The following FSD2 variants were observed in gnomAD, a reference collection of about 807,000 sequenced individuals.
The protein encoded by FSD2 is fibronectin type III and SPRY domain containing 2, also known as fibronectin type III and SPRY domain-containing protein 2.
A neutral mutation model predicts 80.4 loss-of-function variants in FSD2; 71 were observed. That is an observed-to-expected ratio of 0.88 (90% confidence interval 0.73 to 1.08). The LOEUF is 1.08. Among genes scored for constraint, FSD2 ranks in the 50% least tolerant of loss-of-function variants. The pLI is 0.00. For synonymous variants in FSD2, 361 were observed against 329.5 expected (o/e 1.10, Z -1.03); for missense variants, 923 against 913.8 (o/e 1.01, Z -0.13).
At position 82,769,784 on chromosome 15, in the gene FSD2, G is replaced by A; in HGVS notation, c.1368C>T (p.Pro456=). The A allele has an allele frequency of 6.2e-7, 1 of 1,613,952 alleles. No homozygotes were observed. Among genetic ancestry groups the A allele is most frequent in the Middle Eastern group, 1.6e-4 (1 of 6,062 alleles). Residue 456 remains proline (P), a synonymous_variant, in exon 8 of 13, where the codon CCC becomes CCT. Coordinates refer to ENST00000334574, the MANE Select transcript of FSD2 (RefSeq NM_001007122.4). ...ACACTGCACGCTCGCTAGAGGGGCTGGGGCCAGCCCTGTTGTGAGCTGTGA... is the reference window on the plus strand; with the variant it reads ...ACACTGCACGCTCGCTAGAGGGGCTAGGGCCAGCCCTGTTGTGAGCTGTGA... ...FWVTAHNRAG[P]SPSSERAVYM...
intron 7 of FSD2, 126 bp from the exon 8 acceptor site, chr15:82,770,010 TCC>T (rs2049526342): frequency 1.0e-6 from 1 of 1,001,112 alleles, no homozygotes; most frequent in Admixed American, 2.2e-5. Flanking sequence ...CTGTATGCAC[TCC>T]CTCTGCAGCA....
Position 82,783,028 on chromosome 15 carries a change from G to T in FSD2, c.736-3C>A, listed in dbSNP as rs748199632. On this transcript the variant is annotated splice_region_variant and splice_polypyrimidine_tract_variant and intron_variant, in intron 3 of 12. Coordinates refer to ENST00000334574, the MANE Select transcript of FSD2 (RefSeq NM_001007122.4). The stretch of plus-strand genomic sequence containing the variant: ...TGTTCTTGTTTTCCAAAATTCTCCT[G>T]CAAGACAGTTGATCTCAGTCATCAT... 2 of 1,597,558 alleles carry T rather than the reference G, an allele frequency of 1.3e-6. No homozygotes were observed. Among genetic ancestry groups the T allele is most frequent in the African/African-American group, 2.7e-5 (2 of 74,254 alleles).
chr15:82,765,213 C>A lies in FSD2; in HGVS notation c.1773G>T (p.Arg591Ser), dbSNP rs1255495713. 4 of 1,609,500 alleles carry A rather than the reference C, an allele frequency of 2.5e-6. No homozygotes were observed. The highest frequency in any genetic ancestry group is 3.4e-6 in the Non-Finnish European group (4 of 1,177,490). ...GTGACAGCTCCCTGGCGGGGGTTCTCCTTTCACTTCGTACAGCCGTAAGTC... is the reference window on the plus strand; with the variant it reads ...GTGACAGCTCCCTGGCGGGGGTTCTACTTTCACTTCGTACAGCCGTAAGTC... ...EDGLTAVRSE[R>S]RTPARELSPS... The change falls in exon 11 of 13, where the codon AGG becomes AGT. Residue 591 changes from arginine (R) to serine (S), a missense_variant. By Grantham distance (110) the Arg-to-Ser change is moderately radical (BLOSUM62 -1). Transcript: ENST00000334574.
rs2049413092 is a variant in FSD2 at position 82,766,040 on chromosome 15, G to C, written c.1554-9C>G. 6.4e-7 allele frequency: 1 copy of C among 1,573,360 alleles called. No individual in the cohort carries two copies. The highest frequency in any genetic ancestry group is 1.2e-5 in the South Asian group (1 of 85,600). ...GGATGCCCACAACAGACCTGTACAA[G>C]GAAGCAGAGCTGCAGTCAGAATGGG... On this transcript the variant is annotated splice_polypyrimidine_tract_variant and intron_variant, in intron 9 of 12. Transcript: ENST00000334574.
At chr15:82,769,337 A>G (rs2049501838) in intron 8 of FSD2, among the ~76,000 whole-genome samples, 1 of 152,014 alleles carries the variant, frequency 6.6e-6, no homozygotes, top group Non-Finnish European at 1.5e-5. Flanking sequence ...TGGGAGGCCG[A>G]GGCGGGTGGA....
rs550188639 is a variant in FSD2 at position 82,783,065 on chromosome 15, T to C, written c.736-40A>G. 6 of 1,392,782 alleles carry C rather than the reference T, an allele frequency of 4.3e-6. No individual in the cohort carries two copies. In the South Asian group the frequency reaches 7.3e-5, roughly 17 times the overall value. The allele number at this position is 1,392,782 out of a possible 1,614,324, so 86.3% of individuals were successfully genotyped here. On this transcript the variant is annotated intron_variant, in intron 3 of 12. Transcript: ENST00000334574. ...ATCTCAGTCATCATTTCAGCGCATG[T>C]AGTGTGTTGATTAGAGTCTTTTGTT...
In FSD2 at chr15:82,768,939, C is replaced by T. The variant is rs1242918197; in HGVS notation, c.1494G>A (p.Val498=). Residue 498 remains valine (V), a synonymous_variant, in exon 9 of 13, where the codon GTG becomes GTA. Transcript: ENST00000334574. Reference sequence around the variant, plus strand: ...GGGTCAGCTCCACAGTGTACGAGTCCACAGGATTCAGGTTCCCAGACTCCC... The same window carrying T: ...GGGTCAGCTCCACAGTGTACGAGTCTACAGGATTCAGGTTCCCAGACTCCC... ...ICWESGNLNP[V]DSYTVELTQA... 1 of 1,607,802 alleles carries T rather than the reference C, an allele frequency of 6.2e-7. No individual in the cohort carries two copies. The highest frequency in any genetic ancestry group is 8.5e-7 in the Non-Finnish European group (1 of 1,177,184).
Position 82,774,704 on chromosome 15 carries a change from A to G in FSD2, c.1112-2476T>C, listed in dbSNP as rs190542682. On this transcript the variant is annotated intron_variant, in intron 6 of 12. Coordinates refer to ENST00000334574, the MANE Select transcript of FSD2 (RefSeq NM_001007122.4). The stretch of plus-strand genomic sequence containing the variant: ...AATAGGAAGTTAGAGGGAAAAAAAT[A>G]CTTGTTTCTAAATCCTTTTTTTTTT... 4.6e-5 allele frequency among the ~76,000 whole-genome samples: 7 copies of G among 151,616 alleles called. No homozygotes were observed. In the East Asian group the frequency reaches 1.2e-3, roughly 25 times the overall value.
intron 1 of FSD2, among the ~76,000 whole-genome samples, chr15:82,790,672 T>C (rs2050124042): frequency 6.6e-6 from 1 of 150,862 alleles, no homozygotes; most frequent in Non-Finnish European, 1.5e-5. Context: ...GCCTCCCGGG[T>C]TCACGCCATC....
intron 8 of FSD2, 22 bp downstream of exon 8, chr15:82,769,728 T>C (rs1310413041): frequency 6.3e-7 from 1 of 1,593,684 alleles, no homozygotes; most frequent in Admixed American, 1.7e-5. Context: ...AGCCCTGCTA[T>C]AGGAAATGAG....
At chr15:82,799,558 G>C (rs906928220) in intron 1 of FSD2, among the ~76,000 whole-genome samples, 1 of 152,184 alleles carries the variant, frequency 6.6e-6, no homozygotes, top group Non-Finnish European at 1.5e-5. Flanking sequence ...TGCAGCTGCT[G>C]TCTTGAGCAG....
At chr15:82,765,407 G>C (rs753354485) in intron 10 of FSD2, 109 bp from the exon 11 acceptor site, 239 of 1,437,578 alleles carry the variant, frequency 1.7e-4, no homozygotes, top group Non-Finnish European at 2.2e-4. Context: ...GCCTGGACCT[G>C]GCCTAGTAAT....
At chr15:82,781,372 C>A (rs1271140390) in intron 4 of FSD2, among the ~76,000 whole-genome samples, 4 of 152,272 alleles carry the variant, frequency 2.6e-5, no homozygotes, top group South Asian at 4.1e-4. Flanking sequence ...TGGCCCCTCA[C>A]CCCAGGCACA....
At chr15:82,777,477 C>G (rs970265619) in intron 6 of FSD2, among the ~76,000 whole-genome samples, 7 of 152,120 alleles carry the variant, frequency 4.6e-5, no homozygotes, top group African/African-American at 1.7e-4. Flanking sequence ...TGCTCAATCT[C>G]TCTAGTTATC....
In FSD2 at chr15:82,774,379, A is replaced by G. The variant is rs1022718392; in HGVS notation, c.1112-2151T>C. Among the ~76,000 whole-genome samples, 4 of 152,208 alleles carry G rather than the reference A, an allele frequency of 2.6e-5. No homozygotes were observed. In the South Asian group the frequency reaches 6.2e-4, roughly 24 times the overall value. On this transcript the variant is annotated intron_variant, in intron 6 of 12. Coordinates refer to ENST00000334574, the MANE Select transcript of FSD2 (RefSeq NM_001007122.4). ...GCATGAGCCAGCACGTCTGGCCAACAATAATACTTTAAAGAGCTACTTGGC... is the reference window on the plus strand; with the variant it reads ...GCATGAGCCAGCACGTCTGGCCAACGATAATACTTTAAAGAGCTACTTGGC...
At chr15:82,797,028 A>AC (rs1302218672) in intron 1 of FSD2, among the ~76,000 whole-genome samples, 1 of 122,232 alleles carries the variant, frequency 8.2e-6, no homozygotes, top group African/African-American at 3.0e-5. Context: ...ATTAAAAAAA[A>AC]AAAAAAAAAA....
chr15:82,782,764 G>A (rs1389762511), intron 4 of FSD2, 31 bp downstream of exon 4: 2 of 1,472,802 alleles, frequency 1.4e-6, no homozygotes, highest in African/African-American at 1.4e-5. Context: ...TTTCCATTAT[G>A]TTCATTATTT....
At chr15:82,777,587 T>A (rs1436051374) in intron 6 of FSD2, among the ~76,000 whole-genome samples, 1 of 152,192 alleles carries the variant, frequency 6.6e-6, no homozygotes, top group Non-Finnish European at 1.5e-5. Context: ...GGCTCAGGCC[T>A]GTAATCCCAG....
In FSD2 at chr15:82,769,682, C is replaced by T. The variant is rs1269318051; in HGVS notation, c.1402+68G>A. ...AATGAAATCAAGAGCCCTGCCATGT[C>T]TAGAAACCCATGACTCCTGTGTCCG... On this transcript the variant is annotated intron_variant, in intron 8 of 12. Transcript: ENST00000334574. 3.9e-6 allele frequency: 6 copies of T among 1,527,854 alleles called. No homozygotes were observed. In the Middle Eastern group the frequency reaches 5.2e-4, roughly 134 times the overall value. The allele number at this position is 1,527,854 out of a possible 1,614,324, so 94.6% of individuals were successfully genotyped here.
Sources: gnomAD v4.1 joint callset for allele counts (sites outside exome capture counted in the v4.1 genomes callset) on GRCh38, gnomAD v4.1.1 for gene constraint, MANE v1.5 for transcripts, NCBI Gene and HGNC (gene_info 2026-07-23, HGNC 2026-07-21) for gene names.